MEN1: variants seen among roughly 807,000 people sequenced by gnomAD.
MEN1 encodes menin.
MEN1 carries 6 observed loss-of-function variants against 58.0 expected under a neutral mutation model. The ratio of observed to expected loss-of-function variants is 0.10; its 90% CI spans 0.06 to 0.20. The LOEUF (loss-of-function observed/expected upper bound fraction) is 0.20, where lower values mean the gene tolerates loss of function less well. Among genes scored for constraint, MEN1 ranks in the 10% least tolerant of loss-of-function variants. The pLI, the probability that MEN1 is intolerant of heterozygous loss-of-function variation, is 1.00. For missense variants in MEN1, 492 were observed against 818.5 expected (o/e 0.60, Z 4.87); for synonymous variants, 346 against 350.7 (o/e 0.99, Z 0.15).
At position 64,805,757 on chromosome 11, in the gene MEN1, G is replaced by A. The variant is rs863224807; in HGVS notation, c.1063C>T (p.Arg355Trp). 2 of 1,612,168 alleles carry A rather than the reference G, an allele frequency of 1.2e-6. No individual in the cohort carries two copies. Among genetic ancestry groups the A allele is most frequent in the African/African-American group, 2.7e-5 (2 of 74,322 alleles). Residue 355 changes from arginine (R) to tryptophan (W), a missense_variant, in exon 8 of 10, where the codon CGG (arginine) becomes TGG (tryptophan). Arg to Trp is a moderately radical substitution (Grantham distance 101). Around this residue, in one of 5 missense-constraint regions of MEN1, gnomAD observed 335 missense variants for 550.3 expected, o/e 0.61. Transcript: ENST00000450708. ...TCCTTGTAGATCTCCTCGTCTTCCCGGCAGTAGTTGTAGCTGTGAGAGCAG... is the reference window on the plus strand; with the variant it reads ...TCCTTGTAGATCTCCTCGTCTTCCCAGCAGTAGTTGTAGCTGTGAGAGCAG... ...ATVIQDYNYC[R>W]EDEEIYKEFF...
rs758434243 is a variant in MEN1, at chr11:64,809,891, G to A, written c.219C>T (p.Gly73=). Residue 73 remains glycine, a synonymous_variant, in exon 2 of 10, where the codon GGC becomes GGT. Coordinates refer to ENST00000450708, the MANE Select transcript of MEN1 (RefSeq NM_001370259.2). ...CGGCCACGGGAAAGTAGGTGAGGCC[G>A]CCAGGCGGGTCGGGGGCGGGGCTGG... ...FQPSPAPDPP[G]GLTYFPVADL... 3.8e-6 allele frequency: 6 copies of A among 1,596,666 alleles called. No homozygotes were observed. The highest frequency in any genetic ancestry group is 4.3e-6 in the Non-Finnish European group (5 of 1,171,424).
intron 6 of MEN1, 44 bp downstream of exon 6, chr11:64,806,967 C>T: frequency 6.3e-7 from 1 of 1,581,976 alleles, no homozygotes; most frequent in Non-Finnish European, 8.7e-7. Flanking sequence ...CTGCCTCAGC[C>T]ACTGTTAGGG....
At chr11:64,806,442 G>A in intron 6 of MEN1, 74 bp from the exon 7 acceptor site, 1 of 1,576,910 alleles carries the variant, frequency 6.3e-7, no homozygotes, top group Non-Finnish European at 8.7e-7. Context: ...GCCCCACCAG[G>A]GCACACCCAG....
In MEN1 at chr11:64,803,891, C is replaced by T; in HGVS notation, c.*443G>A. On this transcript the variant is annotated 3_prime_UTR_variant, in exon 10 of 10. Transcript: ENST00000450708. Reference sequence around the variant, plus strand: ...GAATTCTGAAGTGCGGAAATATACTCCTAGGGGCTGAGTGGTCCTAGGCTC... The same window carrying T: ...GAATTCTGAAGTGCGGAAATATACTTCTAGGGGCTGAGTGGTCCTAGGCTC... 3.5e-6 allele frequency: 1 copy of T among 287,194 alleles called. No individual in the cohort carries two copies. The highest frequency in any genetic ancestry group is 1.1e-3 in the Middle Eastern group (1 of 946). 17.8% of individuals were successfully genotyped at this position (287,194 alleles called of 1,614,324 possible).
chr11:64,803,552 T>C lies in MEN1; in HGVS notation c.*782A>G, dbSNP rs990926419. 1 of 232,418 alleles carries C rather than the reference T, an allele frequency of 4.3e-6. No individual in the cohort carries two copies. The highest frequency in any genetic ancestry group is 8.5e-6 in the Non-Finnish European group (1 of 117,324). 14.4% of individuals were successfully genotyped at this position (232,418 alleles called of 1,614,324 possible). A position where few individuals can be genotyped will look rare whatever the true frequency, so the allele number is the denominator to read the frequency against. On this transcript the variant is annotated 3_prime_UTR_variant, in exon 10 of 10. Coordinates refer to ENST00000450708, the MANE Select transcript of MEN1 (RefSeq NM_001370259.2). The stretch of plus-strand genomic sequence containing the variant: ...AAAATGTATTCATCTTTCTTGGAAC[T>C]GAAAAATAAATCTATGTACAAAACA...
intron 7 of MEN1, 113 bp from the exon 8 acceptor site, chr11:64,805,883 C>T: frequency 9.3e-7 from 1 of 1,072,238 alleles, no homozygotes; most frequent in Non-Finnish European, 1.4e-6. Context: ...AGGTGGGGTC[C>T]TCACTGCAAA....
In MEN1 at chr11:64,807,969, C is replaced by G. The variant is rs142862945; in HGVS notation, c.576G>C (p.Gln192His). 6.2e-7 allele frequency: 1 copy of G among 1,614,204 alleles called. No individual in the cohort carries two copies. Among genetic ancestry groups the G allele is most frequent in the Non-Finnish European group, 8.5e-7 (1 of 1,180,020 alleles). ...TGCCGTGCCAGGTGACCTCAGCTGT[C>G]TGCTCCCCATTGGGCCCAAACACTA... ...AWVVFGPNGE[Q>H]TAEVTWHGKG... The change falls in exon 3 of 10, where the codon CAG (glutamine) becomes CAC (histidine). Residue 192 changes from glutamine to histidine, a missense_variant. Physicochemically the swap from Gln to His is conservative, Grantham distance 24. This residue lies in a region of MEN1 where 335 missense variants were observed against 550.3 expected (regional missense o/e 0.61). Coordinates refer to ENST00000450708, the MANE Select transcript of MEN1 (RefSeq NM_001370259.2). This position sits in a 1 kb window ranked among gnomAD's most constrained non-coding sequence, Gnocchi z 4.9.
At chr11:64,805,972 T>C in intron 7 of MEN1, 1 of 659,722 alleles carries the variant, frequency 1.5e-6, no homozygotes, top group Non-Finnish European at 2.6e-6. Context: ...GAAGTCCCAC[T>C]GCTGGATGAT....
At chr11:64,805,970 A>G (rs1941693451) in intron 7 of MEN1, 200 bp from the exon 8 acceptor site, 3 of 663,756 alleles carry the variant, frequency 4.5e-6, no homozygotes, top group Non-Finnish European at 7.9e-6. Context: ...TGGAAGTCCC[A>G]CTGCTGGATG....
rs654440 is a variant in MEN1, at chr11:64,804,931, C to G, written c.1350+103G>C. ...AGGGGGTCTCAGTCCCATCGGCACC[C>G]AAGGGGATGGGCAGATGCTGCCCCT... On this transcript the variant is annotated intron_variant, in intron 9 of 9. Transcript: ENST00000450708. The surrounding 1 kb of genome is among the most constrained non-coding windows in gnomAD (Gnocchi z 4.2). 680,934 of 1,598,060 alleles carry G rather than the reference C, an allele frequency of 0.43. 159,014 individuals carry two copies. Among genetic ancestry groups the G allele is most frequent in the Non-Finnish European group, 0.48 (571,422 of 1,178,852 alleles).
chr11:64,807,831 C>T lies in MEN1; in HGVS notation c.654+60G>A, dbSNP rs1046658620. ...GGTGTGGCCCAAGAAAATGGAGTCC[C>T]TTGGGTGGCTTGGGCTACTACAGTA... is the stretch of plus-strand genomic sequence containing the variant. On this transcript the variant is annotated intron_variant, in intron 3 of 9. Coordinates refer to ENST00000450708, the MANE Select transcript of MEN1 (RefSeq NM_001370259.2). The surrounding 1 kb of genome is among the most constrained non-coding windows in gnomAD (Gnocchi z 4.9). 1.2e-6 allele frequency: 2 copies of T among 1,609,324 alleles called. No homozygotes were observed. The highest frequency in any genetic ancestry group is 2.2e-5 in the East Asian group (1 of 44,840).
Position 64,808,045 on chromosome 11 carries a change from G to A in MEN1, c.500C>T (p.Ala167Val), listed in dbSNP as rs200432722. 1 of 1,614,048 alleles carries A rather than the reference G, an allele frequency of 6.2e-7. No homozygotes were observed. The highest frequency in any genetic ancestry group is 1.3e-5 in the African/African-American group (1 of 75,040). ...VAFAVVGACQALGLRDVHLAL... is the reference protein window; with the variant it reads ...VAFAVVGACQVLGLRDVHLAL... ...GAGGTGGACATCCCGGAGACCCAGG[G>A]CCTGGCAGGCCCCAACCACAGCAAA... The change falls in exon 3 of 10, where the codon GCC becomes GTC. Residue 167 changes from alanine (A) to valine (V), a missense_variant. Ala to Val is a moderately conservative substitution (Grantham distance 64). Around this residue, in one of 5 missense-constraint regions of MEN1, gnomAD observed 335 missense variants for 550.3 expected, o/e 0.61. Coordinates refer to ENST00000450708, the MANE Select transcript of MEN1 (RefSeq NM_001370259.2).
rs371364206 is a variant in MEN1, at chr11:64,806,278, G to A, written c.1003C>T (p.Arg335Trp). The A allele has an allele frequency of 1.2e-6, 2 of 1,614,204 alleles. No individual in the cohort carries two copies. Among genetic ancestry groups the A allele is most frequent in the Non-Finnish European group, 1.7e-6 (2 of 1,180,008 alleles). The part of the protein sequence containing the change: ...AGYHCRNRNV[R>W]EALQAWADTA... ...TCCGCCCAGGCCTGCAGGGCTTCCC[G>A]CACATTGCGGTTGCGACAGTGGTAG... The change falls in exon 7 of 10, where the codon CGG (arginine) becomes TGG (tryptophan). Residue 335 changes from arginine (R) to tryptophan (W), a missense_variant. Coordinates refer to ENST00000450708, the MANE Select transcript of MEN1 (RefSeq NM_001370259.2).
chr11:64,804,213 C>G lies in MEN1; in HGVS notation c.*121G>C. The stretch of plus-strand genomic sequence containing the variant: ...TACAGACTGTACTCGGGACCGGGAA[C>G]CTAGGGTTTGGGTAGAGGTGAGGCC... On this transcript the variant is annotated 3_prime_UTR_variant, in exon 10 of 10. Coordinates refer to ENST00000450708, the MANE Select transcript of MEN1 (RefSeq NM_001370259.2). The surrounding 1 kb of genome is among the most constrained non-coding windows in gnomAD (Gnocchi z 4.2). 1 of 1,337,950 alleles carries G rather than the reference C, an allele frequency of 7.5e-7. No individual in the cohort carries two copies. The highest frequency in any genetic ancestry group is 1.1e-6 in the Non-Finnish European group (1 of 938,838). The allele number at this position is 1,337,950 out of a possible 1,614,324, so 82.9% of individuals were successfully genotyped here. A position where few individuals can be genotyped will look rare whatever the true frequency, so the allele number is the denominator to read the frequency against.
chr11:64,809,643 T>G (rs1187128736), intron 2 of MEN1, 22 bp downstream of exon 2: 3 of 1,613,586 alleles, frequency 1.9e-6, no homozygotes, highest in Non-Finnish European at 1.7e-6. Context: ...ATGGATAAGA[T>G]TCCCACCTAC....
intron 1 of MEN1, 99 bp downstream of exon 1, chr11:64,810,415 C>A: frequency 2.3e-6 from 1 of 444,340 alleles, no homozygotes; most frequent in African/African-American, 2.0e-5. Context: ...CCCCTCTCTA[C>A]GACTGTGCCC....
chr11:64,804,132 T>G lies in MEN1; in HGVS notation c.*202A>C. 1 of 643,580 alleles carries G rather than the reference T, an allele frequency of 1.6e-6. No individual in the cohort carries two copies. The allele number at this position is 643,580 out of a possible 1,614,324, so 39.9% of individuals were successfully genotyped here. A position where few individuals can be genotyped will look rare whatever the true frequency, so the allele number is the denominator to read the frequency against. On this transcript the variant is annotated 3_prime_UTR_variant, in exon 10 of 10. Transcript: ENST00000450708. The surrounding 1 kb of genome is among the most constrained non-coding windows in gnomAD (Gnocchi z 4.2). ...GGGATTCTGGGAGAAGAGACCTATATTCTAACGACTGGGGCAGAGCCCTGG... is the reference window on the plus strand; with the variant it reads ...GGGATTCTGGGAGAAGAGACCTATAGTCTAACGACTGGGGCAGAGCCCTGG...
chr11:64,807,237 G>C lies in MEN1; in HGVS notation c.784-18C>G, dbSNP rs2136135029. ...AGCAGCTTCTAGGAGCCGAAGGAGAGAGTTATGAGCCACGGAACAGGGAGG... is the reference window on the plus strand; with the variant it reads ...AGCAGCTTCTAGGAGCCGAAGGAGACAGTTATGAGCCACGGAACAGGGAGG... On this transcript the variant is annotated intron_variant, in intron 4 of 9. Transcript: ENST00000450708. The surrounding 1 kb of genome is among the most constrained non-coding windows in gnomAD (Gnocchi z 4.9). 6.2e-7 allele frequency: 1 copy of C among 1,611,726 alleles called. No homozygotes were observed. Among genetic ancestry groups the C allele is most frequent in the Non-Finnish European group, 8.5e-7 (1 of 1,179,610 alleles).
At position 64,805,950 on chromosome 11, in the gene MEN1, G is replaced by A. The variant is rs543714198; in HGVS notation, c.1050-180C>T. 711 of 704,710 alleles carry A rather than the reference G, an allele frequency of 1.0e-3. 2 individuals carry two copies. Among genetic ancestry groups the A allele is most frequent in the Non-Finnish European group, 1.5e-3 (622 of 408,202 alleles). 43.7% of individuals were successfully genotyped at this position (704,710 alleles called of 1,614,324 possible). ...AAGCAAGAATGAGGAGGGGGGCATGGGGCCGAGGGTGGAAGTCCCACTGCT... is the reference window on the plus strand; with the variant it reads ...AAGCAAGAATGAGGAGGGGGGCATGAGGCCGAGGGTGGAAGTCCCACTGCT... On this transcript the variant is annotated intron_variant, in intron 7 of 9. Coordinates refer to ENST00000450708, the MANE Select transcript of MEN1 (RefSeq NM_001370259.2).
Sources: allele counts gnomAD v4.1 joint callset, GRCh38; gene constraint gnomAD v4.1.1; regional missense constraint gnomAD v4.1.1; non-coding constraint Gnocchi (gnomAD v3.1); transcripts MANE v1.5; gene names NCBI Gene and HGNC (gene_info 2026-07-23, HGNC 2026-07-21).